The following IFT122 variants were observed in gnomAD, a reference collection of about 807,000 sequenced individuals.
The protein encoded by IFT122 is intraflagellar transport protein 122 homolog.
Under a neutral mutation model 161.6 loss-of-function variants are expected in IFT122, and 118 were observed. That is an observed-to-expected ratio of 0.73 (90% CI 0.63 to 0.85). The LOEUF (loss-of-function observed/expected upper bound fraction) is 0.85. Among genes scored for constraint, IFT122 ranks in the 40% least tolerant of loss-of-function variants. The pLI is 0.00. For synonymous variants in IFT122, 550 were observed against 602.4 expected (o/e 0.91, Z 1.27); for missense variants, 1,381 against 1,579.6 (o/e 0.87, Z 2.13).
In IFT122 at chr3:129,476,397, C is replaced by T; in HGVS notation, c.899C>T (p.Ser300Leu). The T allele has an allele frequency of 6.2e-7, 1 of 1,614,146 alleles. No individual in the cohort carries two copies. The highest frequency in any genetic ancestry group is 8.5e-7 in the Non-Finnish European group (1 of 1,180,036). ...TKGEYILLGG[S>L]DKQVSLFTKD... ...GGCGAGTACATTTTGCTGGGGGGTT[C>T]AGACAAGCAAGTATCTCTTTTCACC... The change falls in exon 10 of 30, where the codon TCA becomes TTA. Residue 300 changes from serine (S) to leucine (L), a missense_variant. Ser to Leu is a moderately radical substitution (Grantham distance 145). Transcript: ENST00000348417.
chr3:129,459,037 C>A (rs1400443649), intron 4 of IFT122, among the ~76,000 whole-genome samples: 1 of 152,174 alleles, frequency 6.6e-6, no homozygotes. Context: ...CAGTGTGCTC[C>A]AGGCCTCCTC....
chr3:129,506,649 T>A (rs973348126), intron 22 of IFT122, 100 bp downstream of exon 22: 1 of 1,515,208 alleles, frequency 6.6e-7, no homozygotes, highest in Non-Finnish European at 9.1e-7. Flanking sequence ...GCCCTGGGCT[T>A]GTTTATTGGG....
intron 11 of IFT122, 90 bp downstream of exon 11, chr3:129,476,891 G>T: frequency 1.9e-6 from 3 of 1,550,204 alleles, no homozygotes; most frequent in Non-Finnish European, 1.8e-6. Context: ...ACAGGAAAAG[G>T]TTTCTCTTTG....
Position 129,459,609 on chromosome 3 carries a change from T to TTTCCTTCC in IFT122, c.272+953_272+960dup, listed in dbSNP as rs57673836. ...CTCACCAATTTTCCTTCCTTCCTTCTTTCCTTCCTTCCTTCCTTCCTTCCT... is the reference window on the plus strand; with the variant it reads ...CTCACCAATTTTCCTTCCTTCCTTCTTTCCTTCCTTCCTTCCTTCCTTCCTTCCTTCCT... On this transcript the variant is annotated intron_variant, in intron 4 of 29. Coordinates refer to ENST00000348417, the MANE Select transcript of IFT122 (RefSeq NM_052989.3). Among the ~76,000 whole-genome samples the TTTCCTTCC allele has an allele frequency of 1.0e-3, 129 of 127,678 alleles. 3 individuals are homozygous for TTTCCTTCC. The highest frequency in any genetic ancestry group is 4.0e-3 in the African/African-American group (119 of 30,030). 83.8% of individuals were successfully genotyped at this position (127,678 alleles called of 152,430 possible).
At chr3:129,480,568 G>A (rs1044447926) in intron 13 of IFT122, among the ~76,000 whole-genome samples, 7 of 152,242 alleles carry the variant, frequency 4.6e-5, no homozygotes, top group Non-Finnish European at 1.0e-4. Flanking sequence ...GCTGAGGCTT[G>A]TCAGGTCTTT....
intron 4 of IFT122, chr3:129,460,966 G>C: frequency 6.2e-7 from 1 of 1,600,128 alleles, no homozygotes; most frequent in South Asian, 1.1e-5. Flanking sequence ...TGGGAGGATT[G>C]ATTGCTTGAG....
intron 9 of IFT122, among the ~76,000 whole-genome samples, chr3:129,472,083 A>G (rs559753087): frequency 1.3e-5 from 2 of 152,358 alleles, no homozygotes; most frequent in South Asian, 2.1e-4. Flanking sequence ...GCCAGAATCC[A>G]TATTAGAATG....
intron 16 of IFT122, 45 bp from the exon 17 acceptor site, chr3:129,492,096 A>C (rs1170434687): frequency 6.7e-7 from 1 of 1,498,564 alleles, no homozygotes; most frequent in Admixed American, 1.7e-5. Context: ...CCCACTTTTG[A>C]AGCCAAGAAG....
chr3:129,461,476 G>A, intron 5 of IFT122, 172 bp downstream of exon 5: 1 of 672,458 alleles, frequency 1.5e-6, no homozygotes, highest in South Asian at 1.6e-5. Context: ...TGGAAACCAA[G>A]ACAGTGAATG....
At chr3:129,483,889 C>T (rs1183859878) in intron 15 of IFT122, 7 of 632,994 alleles carry the variant, frequency 1.1e-5, no homozygotes, top group Admixed American at 2.4e-5. Flanking sequence ...GCTCAACCTC[C>T]CTGAGTATCA....
chr3:129,456,319 C>T, intron 3 of IFT122: 1 of 1,172,290 alleles, frequency 8.5e-7, no homozygotes, highest in Non-Finnish European at 1.1e-6. Flanking sequence ...TATGGCTCAC[C>T]CTAATATCTA....
Position 129,481,605 on chromosome 3 carries a change from A to G in IFT122, c.1564A>G (p.Met522Val), listed in dbSNP as rs1488935286. The G allele has an allele frequency of 2.6e-5, 41 of 1,592,534 alleles. No homozygotes were observed. Among genetic ancestry groups the G allele is most frequent in the Non-Finnish European group, 3.4e-5 (40 of 1,160,434 alleles). ...KQATAVRCLDMSASRKKLAVV... is the reference protein window; with the variant it reads ...KQATAVRCLDVSASRKKLAVV... ...GGCCACAGCTGTGCGCTGCTTGGAC[A>G]TGAGTGCCTCCCGTAAGAAGCTGGC... Residue 522 changes from methionine to valine, a missense_variant, in exon 14 of 30, where the codon ATG (methionine) becomes GTG (valine). This residue lies in a region of IFT122 where 544 missense variants were observed against 648.0 expected (regional missense o/e 0.84). Transcript: ENST00000348417.
chr3:129,452,712 A>C (rs2074995905), intron 3 of IFT122, among the ~76,000 whole-genome samples: 1 of 152,168 alleles, frequency 6.6e-6, no homozygotes, highest in Admixed American at 6.5e-5. Context: ...AAATGGAACT[A>C]CTGAAAGGTC....
At chr3:129,448,546 C>T (rs919890388) in intron 1 of IFT122, among the ~76,000 whole-genome samples, 5 of 152,116 alleles carry the variant, frequency 3.3e-5, no homozygotes, top group African/African-American at 1.2e-4. Context: ...CCATGTTGCC[C>T]GTTTCTTTAC....
chr3:129,453,632 T>C (rs1191329390), intron 3 of IFT122, among the ~76,000 whole-genome samples: 1 of 152,158 alleles, frequency 6.6e-6, no homozygotes, highest in Non-Finnish European at 1.5e-5. Context: ...AGAAAGTGTA[T>C]ACAGATAAAT....
intron 1 of IFT122, among the ~76,000 whole-genome samples, chr3:129,445,387 C>G (rs2073873592): frequency 6.6e-6 from 1 of 152,148 alleles, no homozygotes; most frequent in African/African-American, 2.4e-5. Context: ...GGCTCCATTT[C>G]CATTCAGTAG....
At chr3:129,470,306 C>G (rs1463620746) in intron 9 of IFT122, among the ~76,000 whole-genome samples, 1 of 151,448 alleles carries the variant, frequency 6.6e-6, no homozygotes, top group African/African-American at 2.4e-5. Flanking sequence ...CTCTGTGGCC[C>G]AGGCTGGAGT....
intron 4 of IFT122, chr3:129,459,353 G>A (rs916089639): frequency 5.4e-5 from 24 of 441,402 alleles, no homozygotes; most frequent in Admixed American, 4.8e-4. Context: ...GCAGTGGCAC[G>A]ATCTCGGCTC....
chr3:129,451,310 A>G (rs562166070), intron 2 of IFT122, among the ~76,000 whole-genome samples: 1 of 151,010 alleles, frequency 6.6e-6, no homozygotes, highest in African/African-American at 2.4e-5. Flanking sequence ...TTTTGTAGAG[A>G]TGGGGTTTCA....
Sources: gnomAD v4.1 joint callset for allele counts (sites outside exome capture counted in the v4.1 genomes callset) on GRCh38, gnomAD v4.1.1 for gene constraint, gnomAD v4.1.1 regional missense constraint, MANE v1.5 for transcripts, NCBI Gene and HGNC (gene_info 2026-07-23, HGNC 2026-07-21) for gene names.